ALK: variants seen among roughly 807,000 people sequenced by gnomAD.
ALK encodes the protein ALK receptor tyrosine kinase.
ALK carries 74 observed loss-of-function variants against 163.1 expected under a neutral mutation model. The ratio of observed to expected loss-of-function variants is 0.45; its 90% confidence interval spans 0.38 to 0.55. ALK has a LOEUF of 0.55. Among genes scored for constraint, ALK ranks in the 20% least tolerant of loss-of-function variants. The pLI is 0.00. For synonymous variants in ALK, 960 were observed against 843.2 expected, an observed-to-expected ratio of 1.14 and a Z score of -2.40; for missense variants, 2,063 against 2,105.3, an observed-to-expected ratio of 0.98 and a Z score of 0.39.
chr2:29,619,554 C>G lies in ALK; in HGVS notation c.952+75296G>C, dbSNP rs1283412368. 7.2e-5 allele frequency among the ~76,000 whole-genome samples: 11 copies of G among 152,286 alleles called. No individual in the cohort carries two copies. The South Asian group carries it at 2.3e-3, about 32-fold the overall frequency. On this transcript the variant is annotated intron_variant, in intron 3 of 28. Transcript: ENST00000389048. ...CATTGAAAGGGCCTCTTCAGTGTCA[C>G]TGACGACTTCCCAAATAGCAAGCAG...
chr2:29,604,268 G>A (rs1263960706), intron 3 of ALK, among the ~76,000 whole-genome samples: 1 of 149,778 alleles, frequency 6.7e-6, no homozygotes, highest in Non-Finnish European at 1.5e-5. Flanking sequence ...GTGTTCATAA[G>A]TAAGGTTTTG....
intron 3 of ALK, among the ~76,000 whole-genome samples, chr2:29,643,072 T>C (rs1427600473): frequency 6.6e-6 from 1 of 151,362 alleles, no homozygotes; most frequent in Non-Finnish European, 1.5e-5. Context: ...GAGACAGAGA[T>C]AAAATGGTAT....
At chr2:29,786,991 T>C (rs2148354557) in intron 1 of ALK, among the ~76,000 whole-genome samples, 1 of 152,308 alleles carries the variant, frequency 6.6e-6, no homozygotes, top group Non-Finnish European at 1.5e-5. Flanking sequence ...AAGACAGGGT[T>C]TCACCATGTT....
At chr2:29,780,905 A>C (rs1057502079) in intron 1 of ALK, among the ~76,000 whole-genome samples, 2 of 152,232 alleles carry the variant, frequency 1.3e-5, no homozygotes, top group Admixed American at 6.5e-5. Context: ...CTAGAGGCCT[A>C]AGTGTAGTTT....
At chr2:29,555,596 TAATG>T (rs1344159466) in intron 3 of ALK, among the ~76,000 whole-genome samples, 2 of 152,206 alleles carry the variant, frequency 1.3e-5, no homozygotes, top group African/African-American at 4.8e-5. Context: ...GGTTTGGATT[TAATG>T]AATATGATTT....
chr2:29,275,069 T>C (rs780001662), intron 11 of ALK, 30 bp downstream of exon 11: 4 of 1,613,878 alleles, frequency 2.5e-6, no homozygotes, highest in Non-Finnish European at 2.5e-6. Flanking sequence ...AAGAAGTTAC[T>C]GTGCTCACAT....
intron 8 of ALK, among the ~76,000 whole-genome samples, chr2:29,299,868 A>C (rs1403232623): frequency 1.3e-5 from 2 of 152,206 alleles, no homozygotes; most frequent in African/African-American, 4.8e-5. Context: ...AGGGTGTTCC[A>C]TCTTCATCTC....
intron 3 of ALK, among the ~76,000 whole-genome samples, chr2:29,679,644 C>T (rs941140078): frequency 6.6e-6 from 1 of 151,872 alleles, no homozygotes; most frequent in Non-Finnish European, 1.5e-5. Context: ...GTCCTATATA[C>T]ATCTATATAT....
At chr2:29,281,902 A>G (rs1379995192) in intron 9 of ALK, among the ~76,000 whole-genome samples, 1 of 152,206 alleles carries the variant, frequency 6.6e-6, no homozygotes, top group Non-Finnish European at 1.5e-5. Context: ...AGCGAATATA[A>G]TGCCTTATTT....
At chr2:29,355,007 C>A (rs895838923) in intron 5 of ALK, among the ~76,000 whole-genome samples, 2 of 152,130 alleles carry the variant, frequency 1.3e-5, no homozygotes, top group Non-Finnish European at 2.9e-5. Flanking sequence ...ACCTCGTGAT[C>A]CACCTGTCTC....
chr2:29,737,767 T>C (rs1156395072), intron 1 of ALK, among the ~76,000 whole-genome samples: 2 of 152,074 alleles, frequency 1.3e-5, no homozygotes, highest in African/African-American at 4.8e-5. Context: ...CTGGTGTCTG[T>C]TTTCTTTTAC....
chr2:29,657,074 C>T (rs1299218123), intron 3 of ALK, among the ~76,000 whole-genome samples: 1 of 152,088 alleles, frequency 6.6e-6, no homozygotes, highest in Non-Finnish European at 1.5e-5. Flanking sequence ...GGAGGATGAA[C>T]CAATAGGTGG....
At chr2:29,466,080 AAAAG>A (rs1671203358) in intron 4 of ALK, among the ~76,000 whole-genome samples, 1 of 152,230 alleles carries the variant, frequency 6.6e-6, no homozygotes, top group African/African-American at 2.4e-5. Context: ...ATTATATTAA[AAAAG>A]AAAGATATAG....
intron 1 of ALK, among the ~76,000 whole-genome samples, chr2:29,768,721 G>A (rs1027806626): frequency 1.2e-4 from 17 of 141,024 alleles, no homozygotes; most frequent in Admixed American, 1.5e-4. Flanking sequence ...GTCTGTGTGT[G>A]TGTGTGTGTG....
chr2:29,865,742 G>A (rs984766687), intron 1 of ALK, among the ~76,000 whole-genome samples: 1 of 152,218 alleles, frequency 6.6e-6, no homozygotes, highest in African/African-American at 2.4e-5. Context: ...GAAAAGATAA[G>A]TTTACTCAAA....
At chr2:29,206,253 CCTTT>C (rs939555848) in intron 26 of ALK, among the ~76,000 whole-genome samples, 1 of 151,158 alleles carries the variant, frequency 6.6e-6, no homozygotes, top group African/African-American at 2.4e-5. Flanking sequence ...CTCTCCCCTC[CCTTT>C]CTTTCTTTCT....
chr2:29,829,825 C>A (rs1252399953), intron 1 of ALK, among the ~76,000 whole-genome samples: 1 of 152,182 alleles, frequency 6.6e-6, no homozygotes, highest in Non-Finnish European at 1.5e-5. Context: ...CCTGCATGGC[C>A]CTAACCTGTG....
chr2:29,697,730 G>T (rs6742542), intron 2 of ALK, among the ~76,000 whole-genome samples: 5,599 of 152,246 alleles, frequency 0.037, 136 homozygotes, highest in Middle Eastern at 0.065. Flanking sequence ...GTGAACTTTG[G>T]TTTTCTCACC....
At chr2:29,665,524 C>T (rs1677487832) in intron 3 of ALK, among the ~76,000 whole-genome samples, 1 of 151,966 alleles carries the variant, frequency 6.6e-6, no homozygotes, top group Admixed American at 6.6e-5. Context: ...TGGCCTGGAA[C>T]ATAGCAGGTA....
Sources: allele counts gnomAD v4.1 joint callset (sites outside exome capture counted in the v4.1 genomes callset), GRCh38; gene constraint gnomAD v4.1.1; transcripts MANE v1.5; gene names NCBI Gene and HGNC (gene_info 2026-07-23, HGNC 2026-07-21).